The following KIAA2012 variants were observed in gnomAD, a reference collection of about 807,000 sequenced individuals.
KIAA2012 encodes the protein KIAA2012.
Under a neutral mutation model 150.6 loss-of-function variants are expected in KIAA2012, and 125 were observed. The observed-to-expected ratio is 0.83, with a 90% CI of 0.72 to 0.96. The LOEUF is 0.96. KIAA2012 is among the 40% of genes least tolerant of loss of function. The pLI, the probability that KIAA2012 is intolerant of heterozygous loss-of-function variation, is 0.00. For missense variants in KIAA2012, 1,219 were observed against 1,354.9 expected (o/e 0.90, Z 1.57); for synonymous variants, 462 against 504.7 (o/e 0.92, Z 1.13).
chr2:202,133,859 T>C (rs1250179343), intron 12 of KIAA2012, among the ~76,000 whole-genome samples: 4 of 152,134 alleles, frequency 2.6e-5, no homozygotes, highest in Admixed American at 6.5e-5. Context: ...CTACAAACAC[T>C]CTGTAGGTCA....
intron 10 of KIAA2012, among the ~76,000 whole-genome samples, chr2:202,110,225 G>C (rs776128446): frequency 2.0e-5 from 3 of 152,166 alleles, no homozygotes; most frequent in African/African-American, 7.2e-5. Context: ...TCACAGAGAC[G>C]GAAAGACCCT....
chr2:202,089,328 A>AAT (rs1689659331), intron 2 of KIAA2012, among the ~76,000 whole-genome samples: 1 of 152,212 alleles, frequency 6.6e-6, no homozygotes, highest in Non-Finnish European at 1.5e-5. Context: ...GTCGCTCTAG[A>AAT]ATATAGTTCT....
At chr2:202,164,211 G>A (rs1396467139) in intron 14 of KIAA2012, among the ~76,000 whole-genome samples, 1 of 151,988 alleles carries the variant, frequency 6.6e-6, no homozygotes, top group East Asian at 1.9e-4. Context: ...TCAGACACAC[G>A]GGGCTTACTT....
chr2:202,160,200 G>T (rs1425715741), intron 14 of KIAA2012, among the ~76,000 whole-genome samples: 1 of 151,670 alleles, frequency 6.6e-6, no homozygotes, highest in Non-Finnish European at 1.5e-5. Context: ...TGTGTACCTA[G>T]TTGTACTTCT....
intron 20 of KIAA2012, 136 bp from the exon 21 acceptor site, chr2:202,194,054 G>A (rs1016171989): frequency 2.2e-6 from 2 of 921,252 alleles, no homozygotes; most frequent in African/African-American, 3.4e-5. Flanking sequence ...TTGGAAAACT[G>A]AGTCTCCTGG....
Sources: allele counts gnomAD v4.1 joint callset (sites outside exome capture counted in the v4.1 genomes callset), GRCh38; gene constraint gnomAD v4.1.1; transcripts MANE v1.5; gene names NCBI Gene and HGNC (gene_info 2026-07-23, HGNC 2026-07-21).